The following CTNNA3 variants were observed in gnomAD, a reference collection of about 807,000 sequenced individuals.
CTNNA3 encodes the protein catenin alpha 3.
Under a neutral mutation model 95.7 loss-of-function variants are expected in CTNNA3, and 76 were observed. The ratio of observed to expected loss-of-function variants is 0.79; its 90% confidence interval spans 0.66 to 0.96. The LOEUF (loss-of-function observed/expected upper bound fraction) is 0.96. Ranked by LOEUF, CTNNA3 falls within the 40% of genes least tolerant of loss-of-function variation. The pLI is 0.00. For synonymous variants in CTNNA3, 431 were observed against 374.4 expected (o/e 1.15, Z -1.74); for missense variants, 1,191 against 1,089.8 (o/e 1.09, Z -1.31).
chr10:66,381,239 C>T (rs1234357703), intron 11 of CTNNA3, among the ~76,000 whole-genome samples: 1 of 152,040 alleles, frequency 6.6e-6, no homozygotes, highest in East Asian at 1.9e-4. Flanking sequence ...ACAGTCTGTC[C>T]CCTTTGACCT....
chr10:67,567,180 A>G (rs573745917), intron 3 of CTNNA3, among the ~76,000 whole-genome samples: 3 of 152,114 alleles, frequency 2.0e-5, no homozygotes, highest in African/African-American at 7.2e-5. Flanking sequence ...ATAATAATAA[A>G]ATAAAAAAAG....
chr10:65,988,560 T>A (rs1206388766), intron 16 of CTNNA3, 132 bp downstream of exon 16: 5 of 625,334 alleles, frequency 8.0e-6, no homozygotes, highest in Non-Finnish European at 1.4e-5. Flanking sequence ...TTAATAGAGC[T>A]ATTAGAAATT....
intron 7 of CTNNA3, among the ~76,000 whole-genome samples, chr10:66,992,317 C>G (rs569067572): frequency 7.2e-5 from 11 of 152,102 alleles, no homozygotes; most frequent in Non-Finnish European, 1.6e-4. Flanking sequence ...TTTTGCACTT[C>G]TGTAAATCAA....
chr10:66,559,154 C>T (rs907916785), intron 10 of CTNNA3, among the ~76,000 whole-genome samples: 3 of 152,000 alleles, frequency 2.0e-5, no homozygotes, highest in African/African-American at 7.3e-5. Flanking sequence ...TAGTTATTAC[C>T]TATACAAATC....
chr10:67,621,441 T>A (rs2133412231), intron 2 of CTNNA3, among the ~76,000 whole-genome samples: 1 of 152,004 alleles, frequency 6.6e-6, no homozygotes, highest in South Asian at 2.1e-4. Flanking sequence ...GAGTGCAGAG[T>A]AGCTCCATGA....
At chr10:66,519,034 G>A (rs958448871) in intron 11 of CTNNA3, among the ~76,000 whole-genome samples, 3 of 152,010 alleles carry the variant, frequency 2.0e-5, no homozygotes, top group Non-Finnish European at 4.4e-5. Context: ...TTTAAAAAAT[G>A]AAGTTGGATA....
At chr10:67,581,362 T>C (rs545048512) in intron 3 of CTNNA3, among the ~76,000 whole-genome samples, 1 of 152,324 alleles carries the variant, frequency 6.6e-6, no homozygotes, top group East Asian at 1.9e-4. Context: ...GGATTACATT[T>C]ATTGATTTGT....
chr10:66,347,506 C>T (rs142632826), intron 12 of CTNNA3, among the ~76,000 whole-genome samples: 1 of 151,710 alleles, frequency 6.6e-6, no homozygotes, highest in East Asian at 1.9e-4. Context: ...TCCAGCTATT[C>T]AGGAGGCTTA....
At chr10:67,641,667 G>C (rs562528215) in intron 2 of CTNNA3, among the ~76,000 whole-genome samples, 10 of 152,176 alleles carry the variant, frequency 6.6e-5, no homozygotes, top group Admixed American at 2.6e-4. Context: ...CCATGGAATA[G>C]TATGCAGCCA....
intron 17 of CTNNA3, among the ~76,000 whole-genome samples, chr10:65,960,245 CA>C (rs1240095418): frequency 2.0e-5 from 3 of 151,846 alleles, no homozygotes; most frequent in Non-Finnish European, 4.4e-5. Flanking sequence ...TTTTAAGATT[CA>C]GGGGGTACGG....
At chr10:65,924,947 T>G (rs956738774) in intron 17 of CTNNA3, among the ~76,000 whole-genome samples, 1 of 152,110 alleles carries the variant, frequency 6.6e-6, no homozygotes, top group Non-Finnish European at 1.5e-5. Flanking sequence ...TTCACCATCA[T>G]GAGAACATCA....
intron 5 of CTNNA3, among the ~76,000 whole-genome samples, chr10:67,443,067 T>G (rs1011041704): frequency 2.7e-5 from 4 of 149,774 alleles, no homozygotes; most frequent in Non-Finnish European, 4.4e-5. Context: ...ATCCTTGCAA[T>G]AGTTTACTGA....
At chr10:66,924,626 C>T (rs763612956) in intron 7 of CTNNA3, among the ~76,000 whole-genome samples, 1 of 152,178 alleles carries the variant, frequency 6.6e-6, no homozygotes. Flanking sequence ...AAAATGCTCA[C>T]TAAAGTTGTT....
chr10:66,863,372 G>T, intron 7 of CTNNA3, among the ~76,000 whole-genome samples: 1 of 152,050 alleles, frequency 6.6e-6, no homozygotes, highest in South Asian at 2.1e-4. Flanking sequence ...ACTGCAGTGG[G>T]ATGGGACAGG....
At chr10:67,054,871 C>T (rs1014637142) in intron 7 of CTNNA3, 3 of 152,148 alleles carry the variant, frequency 2.0e-5, no homozygotes, top group Non-Finnish European at 4.4e-5. Context: ...CCAAGAGATC[C>T]TGTTAGTACA....
At chr10:66,197,213 C>CA (rs77462990) in intron 13 of CTNNA3, among the ~76,000 whole-genome samples, 49,295 of 151,720 alleles carry the variant, frequency 0.32, 8,472 homozygotes, top group South Asian at 0.48. Flanking sequence ...ATTGGCTTAT[C>CA]AAAAAAACAA....
chr10:66,962,779 G>A (rs2089198847), intron 7 of CTNNA3, among the ~76,000 whole-genome samples: 1 of 152,022 alleles, frequency 6.6e-6, no homozygotes, highest in Admixed American at 6.6e-5. Flanking sequence ...ACTTAAAATG[G>A]CTTTTAGAAT....
intron 11 of CTNNA3, among the ~76,000 whole-genome samples, chr10:66,411,406 T>C (rs1395281981): frequency 1.3e-5 from 2 of 152,064 alleles, no homozygotes; most frequent in Admixed American, 6.6e-5. Context: ...ATAAACACTA[T>C]CAGGAGATAA....
At chr10:67,365,824 C>G (rs955739562) in intron 5 of CTNNA3, among the ~76,000 whole-genome samples, 2 of 152,166 alleles carry the variant, frequency 1.3e-5, no homozygotes, top group African/African-American at 2.4e-5. Context: ...GTGGCAATTC[C>G]TCAAGGACCT....
Sources: gnomAD v4.1 joint callset for allele counts (sites outside exome capture counted in the v4.1 genomes callset) on GRCh38, gnomAD v4.1.1 for gene constraint, MANE v1.5 for transcripts, NCBI Gene and HGNC (gene_info 2026-07-23, HGNC 2026-07-21) for gene names.